Variants in CEPT1 observed in about 807,000 individuals in gnomAD.
CEPT1 encodes choline/ethanolamine phosphotransferase 1.
In CEPT1, 7 loss-of-function variants were observed where a neutral mutation model predicts 42.6. The observed-to-expected ratio is 0.16, with a 90% confidence interval of 0.09 to 0.31. The LOEUF (loss-of-function observed/expected upper bound fraction) is 0.31, where lower values mean the gene tolerates loss of function less well. Ranked by LOEUF, CEPT1 falls within the 10% of genes least tolerant of loss-of-function variation. The pLI is 1.00. For missense variants in CEPT1, 306 were observed against 502.1 expected, an observed-to-expected ratio of 0.61 and a Z score of 3.73; for synonymous variants, 171 against 171.9, an observed-to-expected ratio of 0.99 and a Z score of 0.04.
chr1:111,147,337 CA>C (rs1019924756), intron 1 of CEPT1, among the ~76,000 whole-genome samples: 1 of 152,120 alleles, frequency 6.6e-6, no homozygotes, highest in Non-Finnish European at 1.5e-5. Context: ...ACATTTGTTG[CA>C]TTATACAACT....
At chr1:111,142,373 C>A (rs916022692) in intron 1 of CEPT1, among the ~76,000 whole-genome samples, 7 of 152,172 alleles carry the variant, frequency 4.6e-5, no homozygotes, top group African/African-American at 1.7e-4. Flanking sequence ...CCACCCTCCC[C>A]TTTTTGAGTT....
chr1:111,177,270 A>G (rs993035057), intron 5 of CEPT1, among the ~76,000 whole-genome samples: 1 of 152,148 alleles, frequency 6.6e-6, no homozygotes, highest in East Asian at 1.9e-4. Flanking sequence ...GCACAAAGAT[A>G]TATTGCAGCT....
chr1:111,146,004 C>T (rs886104359), intron 1 of CEPT1, among the ~76,000 whole-genome samples: 2 of 151,928 alleles, frequency 1.3e-5, no homozygotes, highest in Non-Finnish European at 2.9e-5. Flanking sequence ...TTTGATTCTG[C>T]TTTGTGGATA....
chr1:111,153,543 T>C (rs1435240556), intron 2 of CEPT1, among the ~76,000 whole-genome samples: 1 of 152,206 alleles, frequency 6.6e-6, no homozygotes, highest in Non-Finnish European at 1.5e-5. Flanking sequence ...AATCTTTGCG[T>C]AGACCAATGT....
rs781466753 is a variant in CEPT1, at chr1:111,159,371, A to G, written c.340-9A>G. 1 of 1,601,358 alleles carries G rather than the reference A, an allele frequency of 6.2e-7. No homozygotes were observed. Among genetic ancestry groups the G allele is most frequent in the South Asian group, 1.1e-5 (1 of 88,042 alleles). On this transcript the variant is annotated splice_polypyrimidine_tract_variant and intron_variant, in intron 2 of 8. Transcript: ENST00000357172. ...TGAATACTCTTGCCTTTCTTATTTT[A>G]TTTCACAGGCACCTCTGTGGGCATA...
chr1:111,167,571 G>A, intron 4 of CEPT1: 1 of 961,596 alleles, frequency 1.0e-6, no homozygotes. Flanking sequence ...AGGTAAGGAA[G>A]TTGAGATGAT....
chr1:111,169,504 G>A lies in CEPT1; in HGVS notation c.630-5375G>A, dbSNP rs13374710. Among the ~76,000 whole-genome samples, 803 of 152,144 alleles carry A rather than the reference G, an allele frequency of 5.3e-3. 5 individuals carry two copies. The highest frequency in any genetic ancestry group is 0.018 in the African/African-American group (761 of 41,500). On this transcript the variant is annotated intron_variant, in intron 4 of 8. Coordinates refer to ENST00000357172, the MANE Select transcript of CEPT1 (RefSeq NM_006090.5). Reference sequence around the variant, plus strand: ...TAACAAAGTACCCTATATTTATAGAGCCCTTTCTATTAAAATGTTTCTAAA... The same window carrying A: ...TAACAAAGTACCCTATATTTATAGAACCCTTTCTATTAAAATGTTTCTAAA...
intron 1 of CEPT1, 120 bp downstream of exon 1, chr1:111,140,427 C>G (rs1393953646): frequency 6.6e-6 from 1 of 152,366 alleles, no homozygotes; most frequent in Non-Finnish European, 1.5e-5. Context: ...TATGGACTCG[C>G]GCGAGGCGAA....
chr1:111,159,230 A>G (rs971341388), intron 2 of CEPT1, 150 bp from the exon 3 acceptor site: 5 of 718,654 alleles, frequency 7.0e-6, no homozygotes, highest in East Asian at 2.9e-5. Context: ...TTACAATTCT[A>G]ATTGTTTCAG....
intron 4 of CEPT1, among the ~76,000 whole-genome samples, chr1:111,166,822 A>T (rs1000218858): frequency 1.3e-5 from 2 of 152,172 alleles, no homozygotes; most frequent in Non-Finnish European, 2.9e-5. Flanking sequence ...ATTAGAGTTG[A>T]TTCTGTGATT....
At chr1:111,162,450 T>C (rs1053298673) in intron 4 of CEPT1, among the ~76,000 whole-genome samples, 1 of 152,196 alleles carries the variant, frequency 6.6e-6, no homozygotes, top group African/African-American at 2.4e-5. Context: ...AAATGACTCC[T>C]AGTTCCCTTC....
chr1:111,146,783 A>G (rs1654989881), intron 1 of CEPT1, among the ~76,000 whole-genome samples: 1 of 152,138 alleles, frequency 6.6e-6, no homozygotes, highest in Non-Finnish European at 1.5e-5. Context: ...GTCATCACTT[A>G]ACCCACTTTT....
At chr1:111,159,567 G>C (rs2101305618) in intron 3 of CEPT1, 40 bp downstream of exon 3, 1 of 1,521,280 alleles carries the variant, frequency 6.6e-7, no homozygotes, top group Non-Finnish European at 9.0e-7. Context: ...TATTAACAAT[G>C]GTTAAACCAG....
intron 1 of CEPT1, among the ~76,000 whole-genome samples, chr1:111,144,148 T>C (rs1654820796): frequency 1.3e-5 from 2 of 152,224 alleles, no homozygotes; most frequent in Admixed American, 6.5e-5. Context: ...TGCGGCTCCA[T>C]TGAGATATGC....
rs569287816 is a variant in CEPT1 at position 111,185,062 on chromosome 1, T to G, written c.*752T>G. ...TTATTTTTTTAAATTTAAGCAAAATTTATTTCTGTTCTTTAATAAATAAGA... is the reference window on the plus strand; with the variant it reads ...TTATTTTTTTAAATTTAAGCAAAATGTATTTCTGTTCTTTAATAAATAAGA... On this transcript the variant is annotated 3_prime_UTR_variant, in exon 9 of 9. Coordinates refer to ENST00000357172, the MANE Select transcript of CEPT1 (RefSeq NM_006090.5). 3.3e-5 allele frequency: 5 copies of G among 152,688 alleles called. No individual in the cohort carries two copies. Among genetic ancestry groups the G allele is most frequent in the African/African-American group, 1.2e-4 (5 of 41,552 alleles). 9.5% of individuals were successfully genotyped at this position (152,688 alleles called of 1,614,324 possible).
intron 4 of CEPT1, chr1:111,167,087 T>G (rs1036240993): frequency 1.6e-5 from 16 of 983,050 alleles, no homozygotes; most frequent in Non-Finnish European, 1.8e-5. Flanking sequence ...TTTTGAAATG[T>G]TTGTTTCCTT....
At chr1:111,148,528 A>G (rs1162556863) in intron 2 of CEPT1, among the ~76,000 whole-genome samples, 1 of 152,222 alleles carries the variant, frequency 6.6e-6, no homozygotes, top group African/African-American at 2.4e-5. Context: ...GACTTCGGGT[A>G]TATGGCTTAT....
intron 1 of CEPT1, chr1:111,143,515 T>C (rs1311164110): frequency 6.6e-6 from 1 of 152,266 alleles, no homozygotes; most frequent in Non-Finnish European, 1.5e-5. Flanking sequence ...ATTCACTGCA[T>C]TTATATGTTG....
chr1:111,177,666 T>C (rs1468470712), intron 5 of CEPT1, among the ~76,000 whole-genome samples: 1 of 152,236 alleles, frequency 6.6e-6, no homozygotes, highest in African/African-American at 2.4e-5. Context: ...ATATAATTTT[T>C]TCTTTTATAA....
Sources: gnomAD v4.1 joint callset for allele counts (sites outside exome capture counted in the v4.1 genomes callset) on GRCh38, gnomAD v4.1.1 for gene constraint, MANE v1.5 for transcripts, NCBI Gene and HGNC (gene_info 2026-07-23, HGNC 2026-07-21) for gene names.